Variants in SEC24D observed in about 807,000 individuals in gnomAD.
SEC24D encodes the protein SEC24 homolog D, COPII component.
SEC24D carries 69 observed loss-of-function variants against 116.9 expected under a neutral mutation model. The observed-to-expected ratio is 0.59, with a 90% CI of 0.49 to 0.72. SEC24D has a LOEUF of 0.72. SEC24D is among the 30% of genes least tolerant of loss of function. The pLI, the probability that SEC24D is intolerant of heterozygous loss-of-function variation, is 0.00. For missense variants in SEC24D, 1,131 were observed against 1,264.1 expected (o/e 0.89, Z 1.60); for synonymous variants, 405 against 442.8 (o/e 0.91, Z 1.07).
intron 6 of SEC24D, among the ~76,000 whole-genome samples, chr4:118,812,131 G>A (rs115485705): frequency 3.3e-5 from 5 of 152,092 alleles, no homozygotes; most frequent in Non-Finnish European, 7.4e-5. Context: ...CCAGTATACC[G>A]TACTTGACAA....
intron 8 of SEC24D, among the ~76,000 whole-genome samples, chr4:118,785,699 C>A (rs997579574): frequency 6.6e-6 from 1 of 152,092 alleles, no homozygotes; most frequent in African/African-American, 2.4e-5. Flanking sequence ...ATGACAGATA[C>A]CATGCAACAT....
chr4:118,728,237 T>C (rs908608412), intron 22 of SEC24D, among the ~76,000 whole-genome samples: 6 of 152,208 alleles, frequency 3.9e-5, no homozygotes, highest in Non-Finnish European at 8.8e-5. Flanking sequence ...ATGATACTTT[T>C]ATAATTAAGT....
intron 2 of SEC24D, among the ~76,000 whole-genome samples, chr4:118,833,107 T>C (rs1174323179): frequency 6.6e-6 from 1 of 152,180 alleles, no homozygotes; most frequent in African/African-American, 2.4e-5. Context: ...ATCCCAGATA[T>C]CTAAGCTAGT....
intron 13 of SEC24D, among the ~76,000 whole-genome samples, chr4:118,747,366 A>G (rs1249747847): frequency 1.3e-5 from 2 of 149,182 alleles, no homozygotes; most frequent in Non-Finnish European, 3.0e-5. Flanking sequence ...TCCTGGGTTC[A>G]AGCGATTCTT....
At chr4:118,769,544 C>T (rs1727800967) in intron 8 of SEC24D, among the ~76,000 whole-genome samples, 2 of 152,112 alleles carry the variant, frequency 1.3e-5, no homozygotes, top group Non-Finnish European at 2.9e-5. Flanking sequence ...GTAGGGGCAT[C>T]AGGCCGTTTT....
Position 118,796,856 on chromosome 4 carries a change from A to G in SEC24D, c.1041+827T>C, listed in dbSNP as rs144766158. On this transcript the variant is annotated intron_variant, in intron 8 of 22. Transcript: ENST00000280551. Reference sequence around the variant, plus strand: ...ACACTGAGGTTTATGCTGGGAGGGAATACTGGGGCTCTGGCCTTTAGTGCA... The same window carrying G: ...ACACTGAGGTTTATGCTGGGAGGGAGTACTGGGGCTCTGGCCTTTAGTGCA... Among the ~76,000 whole-genome samples, 20 of 152,350 alleles carry G rather than the reference A, an allele frequency of 1.3e-4. No homozygotes were observed. The East Asian group carries it at 3.9e-3, about 29-fold the overall frequency.
chr4:118,759,870 C>T (rs1212603919), intron 10 of SEC24D, among the ~76,000 whole-genome samples: 1 of 152,232 alleles, frequency 6.6e-6, no homozygotes, highest in Admixed American at 6.5e-5. Flanking sequence ...TCAAGACCAG[C>T]ATTCCAATTA....
rs917512988 is a variant in SEC24D, at chr4:118,743,858, T to C, written c.1995+130A>G. 2.5e-5 allele frequency: 21 copies of C among 827,322 alleles called. No individual in the cohort carries two copies. In the African/African-American group the frequency reaches 2.8e-4, roughly 11 times the overall value. 51.2% of individuals were successfully genotyped at this position (827,322 alleles called of 1,614,324 possible). A position where few individuals can be genotyped will look rare whatever the true frequency, so the allele number is the denominator to read the frequency against. Reference sequence around the variant, plus strand: ...TAAAAAGGACCAACGGTATACTTTGTTTTCCATCTGCTCTTGAATTTATAT... The same window carrying C: ...TAAAAAGGACCAACGGTATACTTTGCTTTCCATCTGCTCTTGAATTTATAT... On this transcript the variant is annotated intron_variant, in intron 15 of 22. Transcript: ENST00000280551.
intron 7 of SEC24D, among the ~76,000 whole-genome samples, chr4:118,799,347 G>A (rs1467020008): frequency 6.6e-6 from 1 of 152,148 alleles, no homozygotes; most frequent in Non-Finnish European, 1.5e-5. Flanking sequence ...ATGTTTTAAC[G>A]GGTGTGCGGG....
intron 11 of SEC24D, among the ~76,000 whole-genome samples, chr4:118,755,154 C>A (rs1298760161): frequency 6.6e-6 from 1 of 152,044 alleles, no homozygotes; most frequent in Non-Finnish European, 1.5e-5. Context: ...AGAAACAGAA[C>A]TGTCCTAAAA....
rs922388443 is a variant in SEC24D, at chr4:118,816,408, T to C, written c.398-682A>G. Among the ~76,000 whole-genome samples the C allele has an allele frequency of 4.6e-5, 7 of 152,146 alleles. No individual in the cohort carries two copies. The East Asian group carries it at 1.2e-3, about 25-fold the overall frequency. ...ACATAACAAGCATTACTCAGGTAAA[T>C]TGCACATTCAATAAATTATTTGCAT... On this transcript the variant is annotated intron_variant, in intron 4 of 22. Transcript: ENST00000280551.
chr4:118,768,287 C>A lies in SEC24D; in HGVS notation c.1066G>T (p.Gly356Cys), dbSNP rs781619219. 6.2e-7 allele frequency: 1 copy of A among 1,613,358 alleles called. No individual in the cohort carries two copies. Among genetic ancestry groups the A allele is most frequent in the Middle Eastern group, 1.7e-4 (1 of 6,060 alleles). ...NESPLYLVNH[G>C]ESGPVRCNRC... The stretch of plus-strand genomic sequence containing the variant: ...TTGCATCTGACTGGTCCACTCTCGC[C>A]GTGATTTACCAAGTAAAGGGGACTC... Residue 356 changes from glycine to cysteine, a missense_variant, in exon 9 of 23, where the codon GGC (glycine) becomes TGC (cysteine). Gly to Cys is a radical substitution (Grantham distance 159, BLOSUM62 -3). Transcript: ENST00000280551.
chr4:118,763,563 C>T (rs1381220778), intron 10 of SEC24D, among the ~76,000 whole-genome samples: 4 of 152,178 alleles, frequency 2.6e-5, no homozygotes, highest in Admixed American at 2.0e-4. Flanking sequence ...CAAGTCTACA[C>T]ATGGTGCTTC....
intron 8 of SEC24D, among the ~76,000 whole-genome samples, chr4:118,794,644 C>T (rs544494951): frequency 3.9e-5 from 6 of 152,268 alleles, no homozygotes; most frequent in South Asian, 4.1e-4. Context: ...ACAAATAAGT[C>T]AGAGGCTGCA....
At chr4:118,819,530 CAA>C (rs373794417) in intron 3 of SEC24D, among the ~76,000 whole-genome samples, 8 of 60,910 alleles carry the variant, frequency 1.3e-4, no homozygotes, top group Admixed American at 4.6e-4. Flanking sequence ...GACCCCGTCT[CAA>C]AAAAAAAAAA....
intron 10 of SEC24D, among the ~76,000 whole-genome samples, chr4:118,763,646 G>T (rs1727496963): frequency 6.6e-6 from 1 of 152,188 alleles, no homozygotes; most frequent in South Asian, 2.1e-4. Context: ...TTAAAGCCTT[G>T]CAAGGTATCC....
Position 118,723,001 on chromosome 4 carries a change from T to C in SEC24D, c.*514A>G, listed in dbSNP as rs978954317. On this transcript the variant is annotated 3_prime_UTR_variant, in exon 23 of 23. Coordinates refer to ENST00000280551, the MANE Select transcript of SEC24D (RefSeq NM_014822.4). ...AATTATGAAAAAAATGTAGAACACATATTGTTCTACCAGATAAATCCCAAG... is the reference window on the plus strand; with the variant it reads ...AATTATGAAAAAAATGTAGAACACACATTGTTCTACCAGATAAATCCCAAG... 2.6e-5 allele frequency: 4 copies of C among 152,612 alleles called. No homozygotes were observed. Among genetic ancestry groups the C allele is most frequent in the East Asian group, 3.9e-4 (2 of 5,190 alleles). 9.5% of individuals were successfully genotyped at this position (152,612 alleles called of 1,614,324 possible).
At chr4:118,778,552 C>G (rs1256624976) in intron 8 of SEC24D, among the ~76,000 whole-genome samples, 1 of 152,180 alleles carries the variant, frequency 6.6e-6, no homozygotes, top group Non-Finnish European at 1.5e-5. Flanking sequence ...ATGCCTCCAG[C>G]TTTGTTCTTT....
At chr4:118,772,041 C>T (rs1049199794) in intron 8 of SEC24D, among the ~76,000 whole-genome samples, 2 of 152,106 alleles carry the variant, frequency 1.3e-5, no homozygotes, top group African/African-American at 4.8e-5. Flanking sequence ...CCAAAACAAA[C>T]ACAGATGCTC....
Sources: allele counts gnomAD v4.1 joint callset (sites outside exome capture counted in the v4.1 genomes callset), GRCh38; gene constraint gnomAD v4.1.1; transcripts MANE v1.5; gene names NCBI Gene and HGNC (gene_info 2026-07-23, HGNC 2026-07-21).